KCNA6: variants seen among roughly 807,000 people sequenced by gnomAD.
KCNA6 encodes human brain potassium channel-2.
In KCNA6, 17 loss-of-function variants were observed where a neutral mutation model predicts 29.5. The ratio of observed to expected loss-of-function variants is 0.58; its 90% CI spans 0.39 to 0.86. The LOEUF (loss-of-function observed/expected upper bound fraction) is 0.86, where lower values mean the gene tolerates loss of function less well. KCNA6 is among the 40% of genes least tolerant of loss of function. The pLI is 0.00. For synonymous variants in KCNA6, 296 were observed against 304.7 expected (o/e 0.97, Z 0.30); for missense variants, 450 against 703.4 (o/e 0.64, Z 4.07).
downstream of KCNA6, chr12:4,814,718 G>A (rs1946665550): frequency 6.0e-6 from 1 of 167,160 alleles, no homozygotes; most frequent in African/African-American, 2.4e-5. The surrounding 1 kb of genome is among the most constrained non-coding windows in gnomAD (Gnocchi z 4.6). Flanking sequence ...GCCAGCCTCA[G>A]CCTGAGATGC....
At chr12:4,827,564 G>T in the KCNA6 span, among the ~76,000 whole-genome samples, 2 of 152,204 alleles carry the variant, frequency 1.3e-5, no homozygotes, top group African/African-American at 4.8e-5. Flanking sequence ...AGAAAGGTTG[G>T]TGTTACTCTC....
At chr12:4,830,023 C>T in the KCNA6 span, among the ~76,000 whole-genome samples, 1 of 152,208 alleles carries the variant, frequency 6.6e-6, no homozygotes, top group Non-Finnish European at 1.5e-5. Flanking sequence ...CCCTGAGACT[C>T]ACAGGATGAA....
At chr12:4,850,925 G>A in the KCNA6 span, 1 of 400,150 alleles carries the variant, frequency 2.5e-6, no homozygotes, top group South Asian at 1.8e-5. This position sits in a 1 kb window ranked among gnomAD's most constrained non-coding sequence, Gnocchi z 5.4. Flanking sequence ...CAGACCCGTT[G>A]TCCCTAAAGA....
At chr12:4,849,364 G>A in the KCNA6 span, among the ~76,000 whole-genome samples, 4 of 152,018 alleles carry the variant, frequency 2.6e-5, no homozygotes, top group Non-Finnish European at 5.9e-5. Context: ...AATCACATGT[G>A]TGTGGGAAGA....
chr12:4,836,583 T>C, the KCNA6 span, among the ~76,000 whole-genome samples: 1 of 151,456 alleles, frequency 6.6e-6, no homozygotes, highest in Non-Finnish European at 1.5e-5. Flanking sequence ...ATATATGGAG[T>C]GAGAGAAAGG....
chr12:4,812,069 T>TA (rs752159007), exon 1 of KCNA6: 5 of 180,688 alleles, frequency 2.8e-5, no homozygotes, highest in Non-Finnish European at 6.5e-5. Context: ...GGCTACTTGG[T>TA]AACTGGAAGA....
chr12:4,825,709 A>G, the KCNA6 span, among the ~76,000 whole-genome samples: 3 of 152,204 alleles, frequency 2.0e-5, no homozygotes, highest in Non-Finnish European at 4.4e-5. Flanking sequence ...CCTCTTCCCT[A>G]TAGTCCTTAT....
chr12:4,843,583 G>A, the KCNA6 span, among the ~76,000 whole-genome samples: 1 of 152,170 alleles, frequency 6.6e-6, no homozygotes, highest in Non-Finnish European at 1.5e-5. Context: ...AAATACCTGA[G>A]AGTGGATAAT....
At chr12:4,835,660 A>G in the KCNA6 span, among the ~76,000 whole-genome samples, 1 of 151,734 alleles carries the variant, frequency 6.6e-6, no homozygotes, top group African/African-American at 2.4e-5. Flanking sequence ...CTCCAACCCA[A>G]AGTTGCTTGT....
Position 4,810,350 on chromosome 12 carries a change from G to C in KCNA6, c.309G>C (p.Gly103=), listed in dbSNP as rs750286349. The stretch of plus-strand genomic sequence containing the variant: ...CCATCCTCTACTACTACCAGTCTGG[G>C]GGCCGCCTGCGGAGGCCGGTCAACG... Residue 103 remains glycine, a synonymous_variant, in exon 1 of 1, where the codon GGG becomes GGC. Coordinates refer to ENST00000280684, the Ensembl canonical transcript of KCNA6. This position sits in a 1 kb window ranked among gnomAD's most constrained non-coding sequence, Gnocchi z 7.5. 1 of 1,614,026 alleles carries C rather than the reference G, an allele frequency of 6.2e-7. No homozygotes were observed. Among genetic ancestry groups the C allele is most frequent in the Non-Finnish European group, 8.5e-7 (1 of 1,180,036 alleles).
chr12:4,822,850 C>T, the KCNA6 span, among the ~76,000 whole-genome samples: 103 of 152,296 alleles, frequency 6.8e-4, no homozygotes, highest in African/African-American at 1.9e-3. Context: ...GGCCCATGGC[C>T]GTGCCCGGAT....
At chr12:4,844,250 G>T in the KCNA6 span, among the ~76,000 whole-genome samples, 84,985 of 152,044 alleles carry the variant, frequency 0.56, 24,271 homozygotes, top group Middle Eastern at 0.6. This position sits in a 1 kb window ranked among gnomAD's most constrained non-coding sequence, Gnocchi z 4.0. Context: ...TTCCAGTAGG[G>T]AGAATAAGCA....
chr12:4,844,470 G>A, the KCNA6 span, among the ~76,000 whole-genome samples: 2 of 152,156 alleles, frequency 1.3e-5, no homozygotes, highest in Non-Finnish European at 2.9e-5. The surrounding 1 kb of genome is among the most constrained non-coding windows in gnomAD (Gnocchi z 4.0). Flanking sequence ...CTGAAGGATG[G>A]GAGGACTGGA....
At chr12:4,828,743 T>C in the KCNA6 span, among the ~76,000 whole-genome samples, 4 of 152,030 alleles carry the variant, frequency 2.6e-5, no homozygotes, top group Non-Finnish European at 5.9e-5. Flanking sequence ...GTAAGTGGGG[T>C]GGTAGGATTT....
the KCNA6 span, among the ~76,000 whole-genome samples, chr12:4,846,642 A>G: frequency 6.6e-6 from 1 of 151,520 alleles, no homozygotes. Flanking sequence ...AGAAATGTCA[A>G]TCTCCTCCTA....
At chr12:4,832,926 CAGG>C in the KCNA6 span, among the ~76,000 whole-genome samples, 2 of 124,310 alleles carry the variant, frequency 1.6e-5, no homozygotes, top group Non-Finnish European at 3.7e-5. Flanking sequence ...ACCCTCACCT[CAGG>C]GGGGTCAACA....
chr12:4,844,021 A>G, the KCNA6 span, among the ~76,000 whole-genome samples: 1 of 152,236 alleles, frequency 6.6e-6, no homozygotes, highest in East Asian at 1.9e-4. This position sits in a 1 kb window ranked among gnomAD's most constrained non-coding sequence, Gnocchi z 4.0. Flanking sequence ...CATGAAGCCA[A>G]TCCACAGGGG....
chr12:4,825,673 G>A, the KCNA6 span, among the ~76,000 whole-genome samples: 4 of 152,184 alleles, frequency 2.6e-5, no homozygotes, highest in Admixed American at 1.3e-4. Context: ...TTTTGATAAG[G>A]CACTGAGTAA....
At chr12:4,829,524 A>G in the KCNA6 span, among the ~76,000 whole-genome samples, 4 of 152,188 alleles carry the variant, frequency 2.6e-5, no homozygotes, top group African/African-American at 9.7e-5. Context: ...TTTAAAAAAC[A>G]TGTGCTCTGA....
Sources: gnomAD v4.1 joint callset for allele counts (sites outside exome capture counted in the v4.1 genomes callset) on GRCh38, gnomAD v4.1.1 for gene constraint, Gnocchi (gnomAD v3.1) non-coding constraint, MANE v1.5 for transcripts, NCBI Gene and HGNC (gene_info 2026-07-23, HGNC 2026-07-21) for gene names.